ARL6IP4: variants seen among roughly 807,000 people sequenced by gnomAD.
ARL6IP4 encodes ADP-ribosylation factor-like protein 6-interacting protein 4.
A neutral mutation model predicts 28.1 loss-of-function variants in ARL6IP4; 24 were observed. The observed-to-expected ratio is 0.86, with a 90% CI of 0.62 to 1.20. The LOEUF (loss-of-function observed/expected upper bound fraction) is 1.20, where lower values mean the gene tolerates loss of function less well. Ranked by LOEUF, ARL6IP4 falls within the 50% of genes most tolerant of loss-of-function variation. The probability of loss-of-function intolerance (pLI) is 0.00; values close to 1 mark genes in which losing one functional copy is unlikely to be tolerated. For synonymous variants in ARL6IP4, 162 were observed against 122.3 expected, an observed-to-expected ratio of 1.32 and a Z score of -2.14; for missense variants, 343 against 302.4, an observed-to-expected ratio of 1.13 and a Z score of -1.00.
At chr12:122,980,870 C>T (rs1395570453) in intron 1 of ARL6IP4, 125 bp downstream of exon 1, 1 of 1,346,774 alleles carries the variant, frequency 7.4e-7, no homozygotes, top group African/African-American at 1.5e-5. Flanking sequence ...CGGCCAGTTC[C>T]CAGGGGTTTG....
At chr12:122,980,971 G>A in intron 1 of ARL6IP4, 158 bp from the exon 2 acceptor site, 2 of 1,384,050 alleles carry the variant, frequency 1.4e-6, no homozygotes, top group South Asian at 3.3e-5. Context: ...AGAAAACCGG[G>A]GTCCCCAGCG....
rs933628968 is a variant in ARL6IP4, at chr12:122,982,797, C to T, written c.*121C>T. The T allele has an allele frequency of 2.8e-6, 3 of 1,058,376 alleles. No individual in the cohort carries two copies. The highest frequency in any genetic ancestry group is 2.6e-5 in the East Asian group (1 of 39,138). The allele number at this position is 1,058,376 out of a possible 1,614,324, so 65.6% of individuals were successfully genotyped here. A position where few individuals can be genotyped will look rare whatever the true frequency, so the allele number is the denominator to read the frequency against. ...TTTCCCCCGTGGATTGGTCTCTGGC[C>T]CAGCCCAGTCTCTTCTCAGGGGCAG... On this transcript the variant is annotated 3_prime_UTR_variant, in exon 6 of 6. Coordinates refer to ENST00000315580, the MANE Select transcript of ARL6IP4 (RefSeq NM_018694.4).
In ARL6IP4 at chr12:122,982,093, G is replaced by T; in HGVS notation, c.587+19G>T. On this transcript the variant is annotated intron_variant, in intron 4 of 5. Transcript: ENST00000315580. The stretch of plus-strand genomic sequence containing the variant: ...GCACCAGGTGGGGAGCTTTCGGCCT[G>T]ACTTACACCACAGGATCTGGGAGTG... 2 of 1,608,798 alleles carry T rather than the reference G, an allele frequency of 1.2e-6. No individual in the cohort carries two copies. The highest frequency in any genetic ancestry group is 2.2e-5 in the South Asian group (2 of 90,998).
chr12:122,980,753 C>T lies in ARL6IP4; in HGVS notation c.-12+8C>T, dbSNP rs1199861015. ...GCCCGCAGGGCGGTCGAGGTGGGAA[C>T]GGAGCAGCCCCGGGGGCCCCCTTGA... On this transcript the variant is annotated splice_region_variant and intron_variant, in intron 1 of 5. Transcript: ENST00000315580. The T allele has an allele frequency of 1.5e-6, 2 of 1,308,628 alleles. No individual in the cohort carries two copies. The highest frequency in any genetic ancestry group is 6.3e-5 in the East Asian group (2 of 31,742). The allele number at this position is 1,308,628 out of a possible 1,614,324, so 81.1% of individuals were successfully genotyped here.
chr12:122,982,709 C>A lies in ARL6IP4; in HGVS notation c.*33C>A. 1 of 1,604,806 alleles carries A rather than the reference C, an allele frequency of 6.2e-7. No individual in the cohort carries two copies. The highest frequency in any genetic ancestry group is 8.5e-7 in the Non-Finnish European group (1 of 1,173,840). ...CGCTGGCCAAGGCCTGTGGACGACG[C>A]TGGCGGCCCAGCCTGGGCAGGTTTC... On this transcript the variant is annotated 3_prime_UTR_variant, in exon 6 of 6. Transcript: ENST00000315580.
chr12:122,982,274 C>G, intron 4 of ARL6IP4, 195 bp from the exon 5 acceptor site: 1 of 801,468 alleles, frequency 1.2e-6, no homozygotes, highest in Non-Finnish European at 2.0e-6. Context: ...CTGTTGTTGG[C>G]CGGGCTGAGG....
chr12:122,980,511 G>A, upstream of ARL6IP4: 1 of 1,365,660 alleles, frequency 7.3e-7, no homozygotes, highest in South Asian at 1.8e-5. Context: ...AGTGGGCGCA[G>A]CTTCGGCAGA....
At chr12:122,982,360 C>T (rs911005166) in intron 4 of ARL6IP4, 109 bp from the exon 5 acceptor site, 11 of 1,121,298 alleles carry the variant, frequency 9.8e-6, no homozygotes, top group Middle Eastern at 2.4e-4. Context: ...CCACTCAAGG[C>T]TGCGGGGTGG....
upstream of ARL6IP4, chr12:122,980,573 T>C (rs2037597316): frequency 3.6e-6 from 5 of 1,372,254 alleles, no homozygotes; most frequent in Admixed American, 3.4e-5. Context: ...TGCTTGCCTC[T>C]GCGGGAGGTG....
At position 122,981,072 on chromosome 12, in the gene ARL6IP4, G is replaced by A. The variant is rs1445635636; in HGVS notation, c.-11-57G>A. The A allele has an allele frequency of 3.3e-6, 5 of 1,506,450 alleles. No individual in the cohort carries two copies. In the East Asian group the frequency reaches 1.0e-4, roughly 31 times the overall value. 93.3% of individuals were successfully genotyped at this position (1,506,450 alleles called of 1,614,324 possible). A position where few individuals can be genotyped will look rare whatever the true frequency, so the allele number is the denominator to read the frequency against. ...CGGCCCCGCTAGAGCCACCCTTGGA[G>A]CCCGCCCGCGGCCGGCCTTGGGGGC... On this transcript the variant is annotated intron_variant, in intron 1 of 5. Coordinates refer to ENST00000315580, the MANE Select transcript of ARL6IP4 (RefSeq NM_018694.4).
intron 1 of ARL6IP4, 85 bp from the exon 2 acceptor site, chr12:122,981,044 C>T: frequency 6.9e-7 from 1 of 1,442,522 alleles, no homozygotes; most frequent in East Asian, 2.7e-5. Flanking sequence ...CGTCGCCAGG[C>T]CCCGGCCCCG....
chr12:122,981,901 G>GAGAGGGAGA, intron 3 of ARL6IP4, 22 bp downstream of exon 3: 1 of 1,613,492 alleles, frequency 6.2e-7, no homozygotes, highest in South Asian at 1.1e-5. Flanking sequence ...CCCAGCACCT[G>GAGAGGGAGA]AGAGGGAGAA....
upstream of ARL6IP4, chr12:122,980,509 C>T: frequency 7.3e-7 from 1 of 1,364,120 alleles, no homozygotes; most frequent in East Asian, 2.9e-5. Flanking sequence ...GAAGTGGGCG[C>T]AGCTTCGGCA....
At chr12:122,981,500 T>C in intron 2 of ARL6IP4, 71 bp from the exon 3 acceptor site, 2 of 1,435,564 alleles carry the variant, frequency 1.4e-6, no homozygotes, top group Non-Finnish European at 1.8e-6. Context: ...GCTCACCCTG[T>C]AGCCGGTCTG....
chr12:122,981,149 G>A lies in ARL6IP4; in HGVS notation c.10G>A (p.Val4Ile), dbSNP rs866395174. 1 of 1,548,934 alleles carries A rather than the reference G, an allele frequency of 6.5e-7. No individual in the cohort carries two copies. Among genetic ancestry groups the A allele is most frequent in the African/African-American group, 1.4e-5 (1 of 73,006 alleles). MAH[V>I]GSRKRSRSRS... Reference sequence around the variant, plus strand: ...GCCAGCCCGCGGCGCCATGGCTCACGTCGGCTCCCGCAAGCGCTCGAGGAG... The same window carrying A: ...GCCAGCCCGCGGCGCCATGGCTCACATCGGCTCCCGCAAGCGCTCGAGGAG... Residue 4 changes from valine (V) to isoleucine (I), a missense_variant, in exon 2 of 6, where the codon GTC becomes ATC. Val to Ile is a conservative substitution (Grantham distance 29, BLOSUM62 3). Transcript: ENST00000315580.
chr12:122,982,552 C>A lies in ARL6IP4; in HGVS notation c.657+14C>A. 1 of 1,614,178 alleles carries A rather than the reference C, an allele frequency of 6.2e-7. No homozygotes were observed. The highest frequency in any genetic ancestry group is 8.5e-7 in the Non-Finnish European group (1 of 1,180,030). On this transcript the variant is annotated intron_variant, in intron 5 of 5. Coordinates refer to ENST00000315580, the MANE Select transcript of ARL6IP4 (RefSeq NM_018694.4). ...GAGATCAACAAGGTGGGTGTGGCCC[C>A]TCTGCCTGCCATCCGCCCCCAGCTC...
chr12:122,980,876 G>T, intron 1 of ARL6IP4, 131 bp downstream of exon 1: 1 of 1,351,824 alleles, frequency 7.4e-7, no homozygotes, highest in Non-Finnish European at 9.4e-7. Context: ...GTTCCCAGGG[G>T]TTTGGAGCCG....
chr12:122,980,447 C>A, upstream of ARL6IP4: 1 of 1,362,078 alleles, frequency 7.3e-7, no homozygotes, highest in Admixed American at 3.2e-5. Flanking sequence ...GCCTTCTTCC[C>A]AGGGCACCGG....
At position 122,980,785 on chromosome 12, in the gene ARL6IP4, G is replaced by A. The variant is rs899244945; in HGVS notation, c.-12+40G>A. 29 of 1,301,624 alleles carry A rather than the reference G, an allele frequency of 2.2e-5. No homozygotes were observed. The African/African-American group carries it at 4.3e-4, about 19-fold the overall frequency. The allele number at this position is 1,301,624 out of a possible 1,614,324, so 80.6% of individuals were successfully genotyped here. A position where few individuals can be genotyped will look rare whatever the true frequency, so the allele number is the denominator to read the frequency against. On this transcript the variant is annotated intron_variant, in intron 1 of 5. Coordinates refer to ENST00000315580, the MANE Select transcript of ARL6IP4 (RefSeq NM_018694.4). ...GCCCCGGGGGCCCCCTTGAGGCGGC[G>A]AGGCCGCGAAGGGCGCGGGGCTGGA...
Sources: gnomAD v4.1 joint callset for allele counts on GRCh38, gnomAD v4.1.1 for gene constraint, MANE v1.5 for transcripts, NCBI Gene and HGNC (gene_info 2026-07-23, HGNC 2026-07-21) for gene names.